FHIT: variants seen among roughly 807,000 people sequenced by gnomAD.
FHIT encodes fragile histidine triad diadenosine triphosphatase.
In FHIT, 19 loss-of-function variants were observed where a neutral mutation model predicts 17.9. That is an observed-to-expected ratio of 1.06 (90% CI 0.74 to 1.56). The LOEUF (loss-of-function observed/expected upper bound fraction) is 1.56. Among genes scored for constraint, FHIT ranks in the 40% most tolerant of loss-of-function variants. FHIT has a pLI of 0.00. For missense variants in FHIT, 248 were observed against 189.2 expected, an observed-to-expected ratio of 1.31 and a Z score of -1.82; for synonymous variants, 81 against 69.7, an observed-to-expected ratio of 1.16 and a Z score of -0.81.
chr3:60,443,575 T>C (rs1355519838), intron 5 of FHIT, among the ~76,000 whole-genome samples: 1 of 152,192 alleles, frequency 6.6e-6, no homozygotes, highest in Non-Finnish European at 1.5e-5. Flanking sequence ...TGGATTACAT[T>C]TATTGATTTG....
chr3:59,913,000 T>C (rs963853218), intron 8 of FHIT, among the ~76,000 whole-genome samples: 4 of 152,202 alleles, frequency 2.6e-5, no homozygotes, highest in African/African-American at 9.7e-5. Flanking sequence ...GGCTAGAGCA[T>C]GTTGATGACT....
chr3:60,571,221 A>G (rs1213812063), intron 4 of FHIT, among the ~76,000 whole-genome samples: 2 of 151,384 alleles, frequency 1.3e-5, no homozygotes, highest in African/African-American at 4.9e-5. Context: ...CTGTAATCCC[A>G]GCTACTCGGG....
intron 4 of FHIT, among the ~76,000 whole-genome samples, chr3:60,650,049 G>A (rs1553687874): frequency 6.6e-6 from 1 of 152,100 alleles, no homozygotes; most frequent in East Asian, 1.9e-4. Context: ...ATGTTCTGGG[G>A]GCCAGAAAAC....
intron 5 of FHIT, among the ~76,000 whole-genome samples, chr3:60,490,563 C>T (rs1339767708): frequency 2.7e-5 from 4 of 149,398 alleles, no homozygotes; most frequent in African/African-American, 1.0e-4. Context: ...CCTCTTGCTC[C>T]GTCTCCACAG....
intron 7 of FHIT, among the ~76,000 whole-genome samples, chr3:60,000,584 A>G (rs1322803548): frequency 6.6e-6 from 1 of 152,122 alleles, no homozygotes; most frequent in Non-Finnish European, 1.5e-5. Context: ...TGTGGCTACT[A>G]AATCAAGAGG....
chr3:60,619,453 C>T (rs925891128), intron 4 of FHIT, among the ~76,000 whole-genome samples: 8 of 152,062 alleles, frequency 5.3e-5, no homozygotes, highest in Non-Finnish European at 4.4e-5. Context: ...AGCACTGACA[C>T]TATCCGACTT....
chr3:60,628,001 C>T (rs1335156497), intron 4 of FHIT, among the ~76,000 whole-genome samples: 1 of 151,994 alleles, frequency 6.6e-6, no homozygotes, highest in Non-Finnish European at 1.5e-5. Flanking sequence ...TTTTCTTCTG[C>T]TTTGTGTGGT....
chr3:60,881,273 G>GGAAC (rs1704964182), intron 3 of FHIT, among the ~76,000 whole-genome samples: 1 of 152,106 alleles, frequency 6.6e-6, no homozygotes, highest in Non-Finnish European at 1.5e-5. Flanking sequence ...ATCCAACACT[G>GGAAC]GAACACATTG....
intron 7 of FHIT, among the ~76,000 whole-genome samples, chr3:59,967,212 C>T (rs958723742): frequency 6.6e-6 from 1 of 151,978 alleles, no homozygotes; most frequent in Non-Finnish European, 1.5e-5. Context: ...CTGCAATAGT[C>T]CCTGAAGGAC....
intron 1 of FHIT, among the ~76,000 whole-genome samples, chr3:61,248,403 T>G (rs761502369): frequency 3.3e-5 from 5 of 152,202 alleles, no homozygotes; most frequent in South Asian, 2.1e-4. Flanking sequence ...CTTTATTACC[T>G]AACTATATGG....
intron 5 of FHIT, among the ~76,000 whole-genome samples, chr3:60,147,128 A>G (rs932455130): frequency 6.6e-6 from 1 of 152,202 alleles, no homozygotes; most frequent in Admixed American, 6.5e-5. Flanking sequence ...AGAAAAAGCT[A>G]TTCTAAAAAA....
At chr3:60,357,843 T>C (rs1471848949) in intron 5 of FHIT, among the ~76,000 whole-genome samples, 1 of 152,022 alleles carries the variant, frequency 6.6e-6, no homozygotes, top group African/African-American at 2.4e-5. Context: ...TAAGACTACC[T>C]TGTTGTTCAA....
chr3:59,849,982 G>C (rs888507978), intron 8 of FHIT, among the ~76,000 whole-genome samples: 1 of 152,124 alleles, frequency 6.6e-6, no homozygotes, highest in Non-Finnish European at 1.5e-5. Context: ...CTAAAAGTAA[G>C]TCATGCTGGG....
At chr3:60,927,694 G>A (rs1476399107) in intron 3 of FHIT, among the ~76,000 whole-genome samples, 1 of 151,754 alleles carries the variant, frequency 6.6e-6, no homozygotes, top group Non-Finnish European at 1.5e-5. Flanking sequence ...GAGGTGGGGA[G>A]CACCCCCGCC....
intron 8 of FHIT, among the ~76,000 whole-genome samples, chr3:59,880,466 TTTCTC>T (rs1328501120): frequency 3.9e-5 from 6 of 152,148 alleles, no homozygotes; most frequent in Admixed American, 3.3e-4. Flanking sequence ...CTTCTAGCAC[TTTCTC>T]TTCTCTAGTA....
intron 5 of FHIT, among the ~76,000 whole-genome samples, chr3:60,237,667 C>T (rs946490985): frequency 6.6e-6 from 1 of 152,182 alleles, no homozygotes; most frequent in African/African-American, 2.4e-5. Flanking sequence ...AATTAAGAAA[C>T]TGCCCCATAC....
At chr3:60,441,817 AGGT>A (rs2107334192) in intron 5 of FHIT, among the ~76,000 whole-genome samples, 5 of 98,446 alleles carry the variant, frequency 5.1e-5, no homozygotes, top group Middle Eastern at 5.8e-3. Context: ...TATATATATC[AGGT>A]CATTTTTCCT....
chr3:59,997,540 C>G (rs1011692418), intron 7 of FHIT, among the ~76,000 whole-genome samples: 3 of 152,074 alleles, frequency 2.0e-5, no homozygotes, highest in Non-Finnish European at 4.4e-5. Context: ...AAAGCTAAAA[C>G]TATAAAACCA....
At chr3:60,571,177 A>G (rs2037365851) in intron 4 of FHIT, among the ~76,000 whole-genome samples, 1 of 151,752 alleles carries the variant, frequency 6.6e-6, no homozygotes, top group African/African-American at 2.4e-5. Context: ...CTCTACTAAA[A>G]ATACAAAAAT....
Sources: allele counts gnomAD v4.1 joint callset (sites outside exome capture counted in the v4.1 genomes callset), GRCh38; gene constraint gnomAD v4.1.1; transcripts MANE v1.5; gene names NCBI Gene and HGNC (gene_info 2026-07-23, HGNC 2026-07-21).